The following PCBP2 variants were observed in gnomAD, a reference collection of about 807,000 sequenced individuals.
The protein encoded by PCBP2 is poly(rC) binding protein 2.
A neutral mutation model predicts 50.1 loss-of-function variants in PCBP2; 4 were observed. The observed-to-expected ratio is 0.08, with a 90% CI of 0.04 to 0.18. The LOEUF (loss-of-function observed/expected upper bound fraction) is 0.18. Ranked by LOEUF, PCBP2 falls within the 10% of genes least tolerant of loss-of-function variation. The pLI is 1.00. For synonymous variants in PCBP2, 179 were observed against 168.0 expected, an observed-to-expected ratio of 1.07 and a Z score of -0.51; for missense variants, 161 against 474.3, an observed-to-expected ratio of 0.34 and a Z score of 6.14.
At chr12:53,466,282 A>C (rs934429747) in intron 10 of PCBP2, among the ~76,000 whole-genome samples, 3 of 152,212 alleles carry the variant, frequency 2.0e-5, no homozygotes, top group African/African-American at 7.2e-5. Flanking sequence ...CTCAGGGCAT[A>C]GTTTAAATTG....
chr12:53,458,975 C>T (rs1029168713), intron 5 of PCBP2, among the ~76,000 whole-genome samples: 2 of 152,126 alleles, frequency 1.3e-5, no homozygotes, highest in African/African-American at 4.8e-5. Context: ...CTTTTTTCCC[C>T]ATTGCCTGGC....
At chr12:53,466,561 TACTA>T (rs1335371987) in intron 10 of PCBP2, among the ~76,000 whole-genome samples, 1 of 152,222 alleles carries the variant, frequency 6.6e-6, no homozygotes, top group African/African-American at 2.4e-5. Flanking sequence ...CTTTTATCCT[TACTA>T]ACCTTTTCAG....
At chr12:53,478,713 A>G (rs1942835168) in intron 14 of PCBP2, among the ~76,000 whole-genome samples, 1 of 152,084 alleles carries the variant, frequency 6.6e-6, no homozygotes. Flanking sequence ...GGCTGAGGCA[A>G]GAGAATTGCT....
chr12:53,466,984 A>G (rs920320144), intron 10 of PCBP2, among the ~76,000 whole-genome samples: 16 of 152,068 alleles, frequency 1.1e-4, no homozygotes, highest in Non-Finnish European at 2.1e-4. Context: ...TTGCTTTTCT[A>G]TTCCCACACC....
At chr12:53,468,621 C>G (rs1021162768) in intron 12 of PCBP2, 156 bp from the exon 13 acceptor site, 72 of 646,878 alleles carry the variant, frequency 1.1e-4, no homozygotes, top group Non-Finnish European at 1.2e-4. Flanking sequence ...CCTTCTCCCC[C>G]ACTCTTTCCT....
intron 13 of PCBP2, among the ~76,000 whole-genome samples, chr12:53,470,620 C>T (rs1327376786): frequency 6.6e-6 from 1 of 151,912 alleles, no homozygotes; most frequent in African/African-American, 2.4e-5. Context: ...CATGAAACTC[C>T]TGAACGCAAG....
intron 1 of PCBP2, among the ~76,000 whole-genome samples, chr12:53,453,590 A>C (rs1336598666): frequency 2.6e-5 from 4 of 152,206 alleles, no homozygotes; most frequent in African/African-American, 9.7e-5. Flanking sequence ...GAGGAAAGTT[A>C]ACACAGTGGC....
intron 5 of PCBP2, among the ~76,000 whole-genome samples, chr12:53,457,146 A>G (rs1941090069): frequency 6.6e-6 from 1 of 152,060 alleles, no homozygotes; most frequent in South Asian, 2.1e-4. Flanking sequence ...TCCCAGGCTC[A>G]AGTGATCCTT....
intron 2 of PCBP2, 103 bp from the exon 3 acceptor site, chr12:53,455,240 TAATG>T (rs765384921): frequency 6.6e-6 from 7 of 1,054,448 alleles, no homozygotes; most frequent in Middle Eastern, 3.1e-4. Flanking sequence ...TTCCTTTTCA[TAATG>T]AATACTTCAT....
At position 53,479,456 on chromosome 12, in the gene PCBP2, C is replaced by G; in HGVS notation, c.*14C>G. On this transcript the variant is annotated 3_prime_UTR_variant, in exon 15 of 15. Coordinates refer to ENST00000546463, the MANE Select transcript of PCBP2 (RefSeq NM_031989.5). ...GGGAGCAGCTAGAACAATGCAGATT[C>G]ATCCATAATCCCTTTCTGCTGTTCA... is the stretch of plus-strand genomic sequence containing the variant. 6.2e-7 allele frequency: 1 copy of G among 1,611,490 alleles called. No individual in the cohort carries two copies. Among genetic ancestry groups the G allele is most frequent in the Non-Finnish European group, 8.5e-7 (1 of 1,177,946 alleles).
rs1281689101 is a variant in PCBP2, at chr12:53,462,499, C to G, written c.511C>G (p.Pro171Ala). The G allele has an allele frequency of 6.2e-7, 1 of 1,611,960 alleles. No individual in the cohort carries two copies. Among genetic ancestry groups the G allele is most frequent in the African/African-American group, 1.3e-5 (1 of 74,896 alleles). Residue 171 changes from proline to alanine, a missense_variant, in exon 8 of 15, where the codon CCG (proline) becomes GCG (alanine). Physicochemically the swap from Pro to Ala is conservative, Grantham distance 27 (BLOSUM62 -1). This residue lies in a region of PCBP2 where 20 missense variants were observed against 43.1 expected (regional missense o/e 0.46). Transcript: ENST00000546463. ...QICVVMLESP[P>A]KGVTIPYRPK... ...CCCTCTGACTCTCTCCCAGTCCCCCCCGAAGGGCGTGACCATCCCGTACCG... is the reference window on the plus strand; with the variant it reads ...CCCTCTGACTCTCTCCCAGTCCCCCGCGAAGGGCGTGACCATCCCGTACCG...
rs55730102 is a variant in PCBP2, at chr12:53,479,668, C to CTGGTTTTTTTTTTTTTTTT, written c.*241_*242insTTTTTGGTTTTTTTTTTTT. ...CATATTTAGTTTTATAAGCTTCTCC[C>CTGGTTTTTTTTTTTTTTTT]TGGTTTTTTTTTTTTGGCTCATGAA... On this transcript the variant is annotated 3_prime_UTR_variant, in exon 15 of 15. Coordinates refer to ENST00000546463, the MANE Select transcript of PCBP2 (RefSeq NM_031989.5). The CTGGTTTTTTTTTTTTTTTT allele has an allele frequency of 2.3e-3, 311 of 136,606 alleles. No homozygotes were observed. Among genetic ancestry groups the CTGGTTTTTTTTTTTTTTTT allele is most frequent in the Middle Eastern group, 7.7e-3 (3 of 390 alleles). The allele number at this position is 136,606 out of a possible 1,614,324, so 8.5% of individuals were successfully genotyped here.
intron 5 of PCBP2, among the ~76,000 whole-genome samples, chr12:53,456,611 G>A (rs1025795216): frequency 1.3e-5 from 2 of 152,168 alleles, no homozygotes; most frequent in Admixed American, 6.5e-5. Flanking sequence ...TTTACCTGAC[G>A]TTATAAACAC....
At chr12:53,478,295 G>A (rs968126154) in intron 14 of PCBP2, among the ~76,000 whole-genome samples, 1 of 152,084 alleles carries the variant, frequency 6.6e-6, no homozygotes, top group African/African-American at 2.4e-5. Flanking sequence ...ATCACCTGAG[G>A]TCAGAAGTTT....
intron 12 of PCBP2, 149 bp downstream of exon 12, chr12:53,467,992 C>G (rs3741655): frequency 4.5e-6 from 3 of 662,160 alleles, no homozygotes; most frequent in Non-Finnish European, 7.9e-6. Context: ...CTGGAGCCCC[C>G]GAGGGTCCCT....
At chr12:53,459,993 A>G in intron 6 of PCBP2, 1 of 354,754 alleles carries the variant, frequency 2.8e-6, no homozygotes, top group East Asian at 8.4e-5. Context: ...TCCTGAGCTC[A>G]AGCAATCCAC....
At chr12:53,470,961 A>G (rs1942189220) in intron 13 of PCBP2, among the ~76,000 whole-genome samples, 1 of 152,050 alleles carries the variant, frequency 6.6e-6, no homozygotes, top group Non-Finnish European at 1.5e-5. Flanking sequence ...TTTGGAAGTA[A>G]TATTCTGAGG....
Position 53,454,732 on chromosome 12 carries a change from G to C in PCBP2, c.-69G>C. On this transcript the variant is annotated 5_prime_UTR_variant, in exon 2 of 15. Transcript: ENST00000546463. ...GGTCATGTTTGCATTTTAGTTTTTGGCTTTCACCCCCAACCAGTGACCAAA... is the reference window on the plus strand; with the variant it reads ...GGTCATGTTTGCATTTTAGTTTTTGCCTTTCACCCCCAACCAGTGACCAAA... 7.6e-7 allele frequency: 1 copy of C among 1,315,670 alleles called. No individual in the cohort carries two copies. The highest frequency in any genetic ancestry group is 1.2e-5 in the South Asian group (1 of 84,166). 81.5% of individuals were successfully genotyped at this position (1,315,670 alleles called of 1,614,324 possible).
intron 4 of PCBP2, 146 bp from the exon 5 acceptor site, chr12:53,455,739 G>C: frequency 1.4e-6 from 1 of 702,560 alleles, no homozygotes; most frequent in Non-Finnish European, 2.5e-6. Context: ...TTTGAGGATA[G>C]TCATGGAGCA....
Sources: allele counts gnomAD v4.1 joint callset (sites outside exome capture counted in the v4.1 genomes callset), GRCh38; gene constraint gnomAD v4.1.1; regional missense constraint gnomAD v4.1.1; transcripts MANE v1.5; gene names NCBI Gene and HGNC (gene_info 2026-07-23, HGNC 2026-07-21).